DNAH12: variants seen among roughly 807,000 people sequenced by gnomAD.
DNAH12 encodes the protein dynein axonemal heavy chain 12.
Under a neutral mutation model 371.5 loss-of-function variants are expected in DNAH12, and 285 were observed. That is an observed-to-expected ratio of 0.77 (90% CI 0.70 to 0.85). The LOEUF (loss-of-function observed/expected upper bound fraction) is 0.85. Among genes scored for constraint, DNAH12 ranks in the 40% least tolerant of loss-of-function variants. DNAH12 has a pLI of 0.00. For synonymous variants in DNAH12, 1,200 were observed against 1,213.0 expected, an observed-to-expected ratio of 0.99 and a Z score of 0.22; for missense variants, 3,611 against 3,689.4, an observed-to-expected ratio of 0.98 and a Z score of 0.55.
In DNAH12 at chr3:57,429,441, G is replaced by A. The variant is rs543476753; in HGVS notation, c.5064+250C>T. Among the ~76,000 whole-genome samples the A allele has an allele frequency of 6.6e-5, 10 of 152,244 alleles. No individual in the cohort carries two copies. In the East Asian group the frequency reaches 1.9e-3, roughly 29 times the overall value. On this transcript the variant is annotated intron_variant, in intron 33 of 73. Coordinates refer to ENST00000495027, the MANE Select transcript of DNAH12 (RefSeq NM_001366028.2). Reference sequence around the variant, plus strand: ...TCTGCCCGCCTCAGCCTCCCAAAGTGCTGGAATTACAGGCGTGAGCCACCG... The same window carrying A: ...TCTGCCCGCCTCAGCCTCCCAAAGTACTGGAATTACAGGCGTGAGCCACCG...
intron 16 of DNAH12, among the ~76,000 whole-genome samples, chr3:57,469,337 T>C (rs1216717017): frequency 3.9e-5 from 6 of 152,102 alleles, no homozygotes; most frequent in Non-Finnish European, 1.5e-5. Flanking sequence ...AAAAAACAGA[T>C]GCTGTGGAGA....
chr3:57,432,042 A>G (rs1183379186), intron 32 of DNAH12, among the ~76,000 whole-genome samples: 1 of 152,196 alleles, frequency 6.6e-6, no homozygotes, highest in African/African-American at 2.4e-5. Context: ...ACTTCACTCT[A>G]CAATTAGAAT....
At chr3:57,331,984 A>T (rs929834578) in intron 62 of DNAH12, among the ~76,000 whole-genome samples, 2 of 151,742 alleles carry the variant, frequency 1.3e-5, no homozygotes, top group Non-Finnish European at 2.9e-5. Context: ...AATTCCCCCT[A>T]CCCTTGGTGT....
At chr3:57,320,640 A>C (rs115094682) in intron 65 of DNAH12, among the ~76,000 whole-genome samples, 3,583 of 152,280 alleles carry the variant, frequency 0.024, 66 homozygotes, top group Admixed American at 0.035. Context: ...AGAAACTGGA[A>C]GGCAATGGTT....
chr3:57,396,408 TG>T (rs2063743343), intron 43 of DNAH12, among the ~76,000 whole-genome samples: 1 of 151,928 alleles, frequency 6.6e-6, no homozygotes, highest in Admixed American at 6.6e-5. Flanking sequence ...ATTTTTTTTT[TG>T]TTTTTTGAGA....
At chr3:57,309,045 C>G (rs1274523642) in intron 69 of DNAH12, 106 bp downstream of exon 69, 4 of 778,318 alleles carry the variant, frequency 5.1e-6, no homozygotes, top group Non-Finnish European at 7.8e-6. Flanking sequence ...TCTCTTCATA[C>G]CACCCTCAAA....
intron 73 of DNAH12, 139 bp from the exon 74 acceptor site, chr3:57,294,110 T>C (rs1016182475): frequency 6.1e-6 from 4 of 660,034 alleles, no homozygotes; most frequent in South Asian, 7.1e-5. Context: ...TTTTACAGCA[T>C]ATATATTTTT....
chr3:57,378,437 A>G (rs1181280916), intron 52 of DNAH12, among the ~76,000 whole-genome samples: 3 of 152,120 alleles, frequency 2.0e-5, no homozygotes, highest in Non-Finnish European at 4.4e-5. Context: ...CTATCTCTCT[A>G]CAGGTACATG....
chr3:57,548,537 T>C (rs1300063858), upstream of DNAH12, among the ~76,000 whole-genome samples: 2 of 152,136 alleles, frequency 1.3e-5, no homozygotes, highest in African/African-American at 4.8e-5. Context: ...CAGGGGACTC[T>C]GTCTCTACAG....
rs925044186 is a variant in DNAH12 at position 57,501,478 on chromosome 3, A to G, written c.1244-66T>C. ...TTTTAGAAGATAAAACACTTTTTTT[A>G]TATGATCATGGAATGGGGACCTACT... is the stretch of plus-strand genomic sequence containing the variant. On this transcript the variant is annotated intron_variant, in intron 10 of 73. Coordinates refer to ENST00000495027, the MANE Select transcript of DNAH12 (RefSeq NM_001366028.2). 9 of 1,185,730 alleles carry G rather than the reference A, an allele frequency of 7.6e-6. No individual in the cohort carries two copies. In the African/African-American group the frequency reaches 1.4e-4, roughly 19 times the overall value. 73.5% of individuals were successfully genotyped at this position (1,185,730 alleles called of 1,614,324 possible). A position where few individuals can be genotyped will look rare whatever the true frequency, so the allele number is the denominator to read the frequency against.
Position 57,371,124 on chromosome 3 carries a change from T to C in DNAH12, c.8760-2864A>G, listed in dbSNP as rs2153336656. 3.9e-5 allele frequency among the ~76,000 whole-genome samples: 6 copies of C among 152,262 alleles called. No homozygotes were observed. The South Asian group carries it at 1.2e-3, about 32-fold the overall frequency. Reference sequence around the variant, plus strand: ...ACTCCAAGATGGAAAATTAACATGTTTGTGGCCAGCAATACACCAAAGAAT... The same window carrying C: ...ACTCCAAGATGGAAAATTAACATGTCTGTGGCCAGCAATACACCAAAGAAT... On this transcript the variant is annotated intron_variant, in intron 55 of 73. Coordinates refer to ENST00000495027, the MANE Select transcript of DNAH12 (RefSeq NM_001366028.2).
At position 57,295,503 on chromosome 3, in the gene DNAH12, A is replaced by G. The variant is rs531299058; in HGVS notation, c.11692+22T>C. The stretch of plus-strand genomic sequence containing the variant: ...CTTATTCTCCCTAAACTTCAAATAA[A>G]TTTTGTTGAGAGAATATTTACTTGG... On this transcript the variant is annotated intron_variant, in intron 73 of 73. Coordinates refer to ENST00000495027, the MANE Select transcript of DNAH12 (RefSeq NM_001366028.2). 29 of 1,542,286 alleles carry G rather than the reference A, an allele frequency of 1.9e-5. No individual in the cohort carries two copies. In the East Asian group the frequency reaches 5.9e-4, roughly 31 times the overall value.
rs760571381 is a variant in DNAH12, at chr3:57,445,384, G to A, written c.4215C>T (p.Asn1405=). ...LFRTVAMMVP[N]YALIAEISLY... ...GGGAGATTTCTGCTATAAGCGCATA[G>A]TTTGGAACCATCATAGCCACTGTTC... Residue 1405 remains asparagine, a synonymous_variant, in exon 28 of 74, where the codon AAC becomes AAT. Transcript: ENST00000495027. 2 of 1,547,318 alleles carry A rather than the reference G, an allele frequency of 1.3e-6. No individual in the cohort carries two copies. Among genetic ancestry groups the A allele is most frequent in the African/African-American group, 2.7e-5 (2 of 72,760 alleles).
intron 38 of DNAH12, among the ~76,000 whole-genome samples, chr3:57,414,717 T>C (rs1422439381): frequency 1.3e-5 from 2 of 151,486 alleles, no homozygotes; most frequent in Non-Finnish European, 2.9e-5. Flanking sequence ...TCTAATACTT[T>C]GGGAACTCAC....
rs1430828985 is a variant in DNAH12, at chr3:57,296,836, A to T, written c.11532+11T>A. The stretch of plus-strand genomic sequence containing the variant: ...TAATGATATACTGTTGACTTTAAGG[A>T]GTTACTATACCTCAAATTCATATCC... On this transcript the variant is annotated intron_variant, in intron 71 of 73. Transcript: ENST00000495027. The T allele has an allele frequency of 1.9e-6, 3 of 1,551,206 alleles. No individual in the cohort carries two copies. Among genetic ancestry groups the T allele is most frequent in the Non-Finnish European group, 2.6e-6 (3 of 1,146,806 alleles).
chr3:57,548,295 C>T (rs868733769), upstream of DNAH12, among the ~76,000 whole-genome samples: 2 of 152,276 alleles, frequency 1.3e-5, no homozygotes, highest in South Asian at 4.1e-4. Context: ...CTCTCTTAGG[C>T]TTCCAGGGGC....
chr3:57,463,833 T>C (rs1054923462), intron 17 of DNAH12, among the ~76,000 whole-genome samples: 1 of 152,066 alleles, frequency 6.6e-6, no homozygotes, highest in Non-Finnish European at 1.5e-5. Context: ...AGTGATGCGA[T>C]CTCGGCTCAC....
intron 27 of DNAH12, 37 bp downstream of exon 27, chr3:57,445,993 TA>T (rs2065479598): frequency 2.2e-6 from 3 of 1,394,656 alleles, no homozygotes; most frequent in Non-Finnish European, 2.8e-6. Flanking sequence ...TTCAAAAACA[TA>T]AAATAAATAA....
At chr3:57,399,337 C>T (rs908102041) in intron 43 of DNAH12, among the ~76,000 whole-genome samples, 4 of 151,914 alleles carry the variant, frequency 2.6e-5, no homozygotes, top group Non-Finnish European at 4.4e-5. Context: ...TCAGTAATTA[C>T]ATTAAATTTA....
Sources: allele counts gnomAD v4.1 joint callset (sites outside exome capture counted in the v4.1 genomes callset), GRCh38; gene constraint gnomAD v4.1.1; transcripts MANE v1.5; gene names NCBI Gene and HGNC (gene_info 2026-07-23, HGNC 2026-07-21).